TLCD4: variants seen among roughly 807,000 people sequenced by gnomAD.
The protein encoded by TLCD4 is TLC domain-containing protein 4.
A neutral mutation model predicts 24.2 loss-of-function variants in TLCD4; 7 were observed. That is an observed-to-expected ratio of 0.29 (90% CI 0.16 to 0.54). TLCD4 has a LOEUF of 0.54. Among genes scored for constraint, TLCD4 ranks in the 20% least tolerant of loss-of-function variants. The pLI, the probability that TLCD4 is intolerant of heterozygous loss-of-function variation, is 0.95. For synonymous variants in TLCD4, 103 were observed against 106.4 expected (o/e 0.97, Z 0.20); for missense variants, 259 against 313.9 (o/e 0.82, Z 1.32).
At chr1:95,183,840 A>G (rs932827987) in intron 6 of TLCD4, among the ~76,000 whole-genome samples, 3 of 151,910 alleles carry the variant, frequency 2.0e-5, no homozygotes, top group Non-Finnish European at 4.4e-5. Context: ...GTCTCAAAAA[A>G]CAACAACATA....
intron 6 of TLCD4, among the ~76,000 whole-genome samples, chr1:95,187,193 C>T (rs971544092): frequency 3.3e-5 from 5 of 152,116 alleles, no homozygotes; most frequent in African/African-American, 1.2e-4. Flanking sequence ...TACCCCACAC[C>T]CAGCTTCCCC....
chr1:95,113,006 G>A (rs554202286), upstream of TLCD4, among the ~76,000 whole-genome samples: 7 of 151,142 alleles, frequency 4.6e-5, no homozygotes, highest in Admixed American at 4.6e-4. Context: ...GTGAGCCACT[G>A]CATCCAACCT....
At chr1:95,104,874 G>T in the TLCD4 span, among the ~76,000 whole-genome samples, 1 of 151,688 alleles carries the variant, frequency 6.6e-6, no homozygotes, top group Admixed American at 6.6e-5. Context: ...CAAAAAATTA[G>T]CTGGGCATGG....
chr1:95,093,748 T>C, the TLCD4 span, among the ~76,000 whole-genome samples: 1 of 152,216 alleles, frequency 6.6e-6, no homozygotes, highest in African/African-American at 2.4e-5. Context: ...TCTTCTATGT[T>C]CTAGACACAT....
intron 6 of TLCD4, among the ~76,000 whole-genome samples, chr1:95,187,536 G>A (rs1228235982): frequency 6.6e-6 from 1 of 152,076 alleles, no homozygotes; most frequent in Non-Finnish European, 1.5e-5. Context: ...ATGGGGTTTG[G>A]GGAGGAAGAC....
Position 95,139,174 on chromosome 1 carries a change from CAAAAAAAAAA to C in TLCD4, c.-11-4703_-11-4694del, listed in dbSNP as rs71097248. ...TGGATGACAGAGTGAGAACCTGTGT[CAAAAAAAAAA>C]AAAAAAAAAAAAAGATAAAAAATGT... is the stretch of plus-strand genomic sequence containing the variant. On this transcript the variant is annotated intron_variant, in intron 1 of 6. Transcript: ENST00000370203. 5.9e-4 allele frequency among the ~76,000 whole-genome samples: 45 copies of C among 76,810 alleles called. 1 individual carries two copies. The highest frequency in any genetic ancestry group is 5.1e-3 in the South Asian group (10 of 1,972). The allele number at this position is 76,810 out of a possible 152,430, so 50.4% of individuals were successfully genotyped here.
intron 1 of TLCD4, among the ~76,000 whole-genome samples, chr1:95,128,909 A>G (rs183342262): frequency 1.6e-4 from 25 of 152,320 alleles, no homozygotes; most frequent in Admixed American, 1.4e-3. Flanking sequence ...AGATTAAAGA[A>G]ATGTGTAGCA....
chr1:95,169,357 AAG>A (rs1678129273), intron 5 of TLCD4, among the ~76,000 whole-genome samples: 1 of 152,256 alleles, frequency 6.6e-6, no homozygotes, highest in Non-Finnish European at 1.5e-5. Flanking sequence ...TAGAAGAGCC[AAG>A]ATGTTATGCC....
intron 6 of TLCD4, among the ~76,000 whole-genome samples, chr1:95,175,086 A>G (rs1678376031): frequency 1.3e-5 from 2 of 152,136 alleles, no homozygotes; most frequent in African/African-American, 4.8e-5. Context: ...CATCTCAACC[A>G]TTTTTAAGAA....
At chr1:95,136,851 A>G (rs1416855716) in intron 1 of TLCD4, among the ~76,000 whole-genome samples, 4 of 152,178 alleles carry the variant, frequency 2.6e-5, no homozygotes, top group African/African-American at 9.7e-5. Flanking sequence ...ATGGGGCAGT[A>G]TTGTGGATGT....
chr1:95,151,429 A>C lies in TLCD4; in HGVS notation c.399+10A>C, dbSNP rs368233673. 7.5e-6 allele frequency: 12 copies of C among 1,610,114 alleles called. No homozygotes were observed. The highest frequency in any genetic ancestry group is 2.7e-5 in the African/African-American group (2 of 74,738). ...ATACTACCTTGTACTGGTGAGTTCC[A>C]GGATTTTCTGTAGCCTAACTAGCAG... On this transcript the variant is annotated intron_variant, in intron 5 of 6. Coordinates refer to ENST00000370203, the MANE Select transcript of TLCD4 (RefSeq NM_152487.3).
At chr1:95,154,051 A>C (rs1281625401) in intron 5 of TLCD4, among the ~76,000 whole-genome samples, 1 of 152,160 alleles carries the variant, frequency 6.6e-6, no homozygotes, top group Non-Finnish European at 1.5e-5. Context: ...AGTCAGATAG[A>C]TATAAAAGTA....
At chr1:95,134,528 G>C (rs1676992910) in intron 1 of TLCD4, among the ~76,000 whole-genome samples, 10 of 152,148 alleles carry the variant, frequency 6.6e-5, no homozygotes, top group Admixed American at 6.6e-4. Flanking sequence ...GAGAGGCCAA[G>C]GATATGACAC....
intron 6 of TLCD4, among the ~76,000 whole-genome samples, chr1:95,185,834 A>G (rs925902513): frequency 3.9e-5 from 6 of 152,272 alleles, no homozygotes; most frequent in South Asian, 2.1e-4. Context: ...AAGTCAAGCA[A>G]TTTTCAACTG....
In TLCD4 at chr1:95,178,672, T is replaced by C. The variant is rs1678528315; in HGVS notation, c.473+4783T>C. Among the ~76,000 whole-genome samples, 4 of 151,240 alleles carry C rather than the reference T, an allele frequency of 2.6e-5. No individual in the cohort carries two copies. In the South Asian group the frequency reaches 6.3e-4, roughly 24 times the overall value. The stretch of plus-strand genomic sequence containing the variant: ...GTCAGCTCTTAACTATTTACTCATA[T>C]TGGTGTAAGGGACTATGCCTTAGTT... On this transcript the variant is annotated intron_variant, in intron 6 of 6. Transcript: ENST00000370203.
chr1:95,135,554 C>G (rs1467401950), intron 1 of TLCD4, among the ~76,000 whole-genome samples: 1 of 151,996 alleles, frequency 6.6e-6, no homozygotes, highest in Admixed American at 6.5e-5. Flanking sequence ...CATACCACCA[C>G]GCCCGGCTAA....
chr1:95,170,256 A>T (rs1039832916), intron 5 of TLCD4, among the ~76,000 whole-genome samples: 1 of 152,034 alleles, frequency 6.6e-6, no homozygotes, highest in Non-Finnish European at 1.5e-5. Context: ...GTTCACCTAT[A>T]ATTTTTTTAA....
At chr1:95,177,459 T>C (rs1035593697) in intron 6 of TLCD4, among the ~76,000 whole-genome samples, 3 of 152,128 alleles carry the variant, frequency 2.0e-5, no homozygotes, top group Non-Finnish European at 4.4e-5. Flanking sequence ...ATACTGGCCA[T>C]TGGAGGCACA....
At chr1:95,101,926 T>G in the TLCD4 span, among the ~76,000 whole-genome samples, 1 of 152,150 alleles carries the variant, frequency 6.6e-6, no homozygotes, top group Non-Finnish European at 1.5e-5. Flanking sequence ...TAGTTGGATT[T>G]GGTGAGAATG....
Sources: allele counts gnomAD v4.1 joint callset (sites outside exome capture counted in the v4.1 genomes callset), GRCh38; gene constraint gnomAD v4.1.1; transcripts MANE v1.5; gene names NCBI Gene and HGNC (gene_info 2026-07-23, HGNC 2026-07-21).